ERC2: variants seen among roughly 807,000 people sequenced by gnomAD.
The protein encoded by ERC2 is ELKS/RAB6-interacting/CAST family member 2, also known as ERC protein 2.
Under a neutral mutation model 114.8 loss-of-function variants are expected in ERC2, and 42 were observed. That is an observed-to-expected ratio of 0.37 (90% confidence interval 0.29 to 0.47). The LOEUF (loss-of-function observed/expected upper bound fraction) is 0.47. ERC2 is among the 20% of genes least tolerant of loss of function. The pLI is 0.99. For synonymous variants in ERC2, 454 were observed against 425.5 expected, an observed-to-expected ratio of 1.07 and a Z score of -0.82; for missense variants, 939 against 1,150.7, an observed-to-expected ratio of 0.82 and a Z score of 2.66.
chr3:55,546,064 C>T (rs1335707550), intron 17 of ERC2, among the ~76,000 whole-genome samples: 1 of 152,156 alleles, frequency 6.6e-6, no homozygotes, highest in Admixed American at 6.5e-5. Context: ...ATCATCCTGA[C>T]CTATGCAGTA....
intron 2 of ERC2, among the ~76,000 whole-genome samples, chr3:56,363,603 G>GA (rs1454438254): frequency 1.3e-5 from 2 of 151,874 alleles, no homozygotes; most frequent in Non-Finnish European, 2.9e-5. Context: ...TCTTTGTATT[G>GA]AAAAAAGGGT....
chr3:56,370,247 C>T (rs984962992), intron 2 of ERC2, among the ~76,000 whole-genome samples: 4 of 152,204 alleles, frequency 2.6e-5, no homozygotes, highest in African/African-American at 9.7e-5. Flanking sequence ...AAACCTATTG[C>T]TAACTCTGGC....
intron 17 of ERC2, among the ~76,000 whole-genome samples, chr3:55,515,105 C>T (rs1983012): frequency 0.021 from 3,234 of 152,190 alleles, 46 homozygotes; most frequent in Middle Eastern, 0.027. Context: ...AGAAAAGGAA[C>T]GGGGAACTGT....
intron 2 of ERC2, among the ~76,000 whole-genome samples, chr3:56,338,603 CAAA>C (rs35021286): frequency 0.31 from 47,354 of 151,946 alleles, 7,491 homozygotes; most frequent in Admixed American, 0.34. Flanking sequence ...GACATGAAAA[CAAA>C]GAAGAGTGAG....
chr3:56,280,501 G>C (rs1185854325), intron 3 of ERC2, among the ~76,000 whole-genome samples: 1 of 152,190 alleles, frequency 6.6e-6, no homozygotes, highest in Non-Finnish European at 1.5e-5. Context: ...GACACAGGGG[G>C]AGAATAGTTG....
At chr3:55,640,000 G>T (rs2060110020) in intron 17 of ERC2, among the ~76,000 whole-genome samples, 1 of 152,278 alleles carries the variant, frequency 6.6e-6, no homozygotes, top group Non-Finnish European at 1.5e-5. Context: ...CCCAGGGAAA[G>T]CTATGTCAAT....
chr3:56,065,746 G>C (rs1318025838), intron 7 of ERC2, among the ~76,000 whole-genome samples: 9 of 151,930 alleles, frequency 5.9e-5, no homozygotes, highest in African/African-American at 1.9e-4. Context: ...TCCTCTCCCT[G>C]TGTCCATGTA....
intron 14 of ERC2, among the ~76,000 whole-genome samples, chr3:55,785,222 A>G (rs1340755340): frequency 6.6e-6 from 1 of 152,220 alleles, no homozygotes; most frequent in Non-Finnish European, 1.5e-5. Context: ...CCAGATCAGA[A>G]GTCTTTGTCT....
chr3:55,593,467 G>A (rs192315703), intron 17 of ERC2, among the ~76,000 whole-genome samples: 11 of 152,160 alleles, frequency 7.2e-5, no homozygotes, highest in Admixed American at 5.9e-4. Flanking sequence ...ATCATCTCTG[G>A]CTGACTTCCT....
intron 14 of ERC2, among the ~76,000 whole-genome samples, chr3:55,747,169 A>C (rs2066361986): frequency 6.6e-6 from 1 of 152,218 alleles, no homozygotes; most frequent in Non-Finnish European, 1.5e-5. Flanking sequence ...TTTCATATTC[A>C]AATCCCCATT....
At chr3:56,181,234 C>T (rs2083271151) in intron 3 of ERC2, among the ~76,000 whole-genome samples, 1 of 152,172 alleles carries the variant, frequency 6.6e-6, no homozygotes, top group Non-Finnish European at 1.5e-5. Context: ...CAATAATTCT[C>T]TTCTTTCTAA....
At chr3:55,779,294 C>G (rs2068839776) in intron 14 of ERC2, among the ~76,000 whole-genome samples, 1 of 116,498 alleles carries the variant, frequency 8.6e-6, no homozygotes, top group Non-Finnish European at 1.7e-5. Context: ...CCAGCCTGGC[C>G]AACATGATGA....
Position 56,367,234 on chromosome 3 carries a change from G to T in ERC2, c.657+67117C>A, listed in dbSNP as rs144456219. ...TTGAAAGGGGCTTAGGGGAAAAAGG[G>T]AATAAGATTGCTCAGGCCCAATGGG... On this transcript the variant is annotated intron_variant, in intron 2 of 17. Transcript: ENST00000288221. 4.9e-4 allele frequency among the ~76,000 whole-genome samples: 73 copies of T among 150,438 alleles called. No homozygotes were observed. In the East Asian group the frequency reaches 0.014, roughly 29 times the overall value.
At chr3:55,846,689 CTCTT>C (rs1553702614) in intron 14 of ERC2, among the ~76,000 whole-genome samples, 3 of 87,098 alleles carry the variant, frequency 3.4e-5, no homozygotes, top group African/African-American at 5.1e-5. Context: ...CTCTCTCTCT[CTCTT>C]TCTCTCTCTC....
chr3:55,836,827 A>T (rs186136582), intron 14 of ERC2, among the ~76,000 whole-genome samples: 1 of 152,228 alleles, frequency 6.6e-6, no homozygotes, highest in Non-Finnish European at 1.5e-5. Context: ...AACCTATAAA[A>T]TGGGAGAAAA....
chr3:55,888,379 G>T lies in ERC2; in HGVS notation c.2564+10C>A. ...AGAGAGAGGCTACCAAAGCAGCAAT[G>T]GGTACTCACTTCATCTCCAGGATCT... On this transcript the variant is annotated intron_variant, in intron 14 of 17. Coordinates refer to ENST00000288221, the MANE Select transcript of ERC2 (RefSeq NM_015576.3). The T allele has an allele frequency of 6.2e-7, 1 of 1,613,656 alleles. No individual in the cohort carries two copies. Among genetic ancestry groups the T allele is most frequent in the South Asian group, 1.1e-5 (1 of 91,038 alleles).
At chr3:56,372,055 G>T (rs544818879) in intron 2 of ERC2, among the ~76,000 whole-genome samples, 1 of 152,306 alleles carries the variant, frequency 6.6e-6, no homozygotes, top group East Asian at 1.9e-4. Flanking sequence ...CAAATGAGAG[G>T]CATATGTTGC....
chr3:55,983,102 G>A (rs533923753), intron 12 of ERC2, among the ~76,000 whole-genome samples: 1 of 152,138 alleles, frequency 6.6e-6, no homozygotes, highest in Non-Finnish European at 1.5e-5. Flanking sequence ...TCCAAAGATG[G>A]CTCCCTCTTC....
intron 3 of ERC2, among the ~76,000 whole-genome samples, chr3:56,241,646 TATG>T (rs1291605671): frequency 6.6e-6 from 1 of 152,182 alleles, no homozygotes; most frequent in Non-Finnish European, 1.5e-5. Flanking sequence ...GAGCTATACA[TATG>T]ATCATAGAAA....
Sources: allele counts gnomAD v4.1 joint callset (sites outside exome capture counted in the v4.1 genomes callset), GRCh38; gene constraint gnomAD v4.1.1; transcripts MANE v1.5; gene names NCBI Gene and HGNC (gene_info 2026-07-23, HGNC 2026-07-21).